Variants in PARD3 observed in about 807,000 individuals in gnomAD.
PARD3 encodes partitioning defective 3 homolog.
In PARD3, 75 loss-of-function variants were observed where a neutral mutation model predicts 155.4. The observed-to-expected ratio is 0.48, with a 90% CI of 0.40 to 0.58. The LOEUF (loss-of-function observed/expected upper bound fraction) is 0.58. Among genes scored for constraint, PARD3 ranks in the 20% least tolerant of loss-of-function variants. The pLI is 0.00. For missense variants in PARD3, 1,642 were observed against 1,721.7 expected (o/e 0.95, Z 0.82); for synonymous variants, 576 against 610.5 (o/e 0.94, Z 0.83).
At chr10:34,143,588 T>A (rs1385887714) in intron 22 of PARD3, among the ~76,000 whole-genome samples, 1 of 152,214 alleles carries the variant, frequency 6.6e-6, no homozygotes, top group Non-Finnish European at 1.5e-5. Flanking sequence ...AACTAAGCTA[T>A]GTTTTTTTAA....
chr10:34,357,672 A>T (rs1839028930), intron 14 of PARD3, among the ~76,000 whole-genome samples: 1 of 152,202 alleles, frequency 6.6e-6, no homozygotes, highest in Non-Finnish European at 1.5e-5. Flanking sequence ...ATTAGCTTTT[A>T]TATTTATCTT....
intron 2 of PARD3, among the ~76,000 whole-genome samples, chr10:34,688,943 A>T (rs1294748504): frequency 1.3e-5 from 2 of 152,214 alleles, no homozygotes; most frequent in Admixed American, 6.5e-5. Flanking sequence ...ACAGAGGCAG[A>T]GCCATTAAAG....
At chr10:34,725,805 G>A (rs1421895694) in intron 1 of PARD3, among the ~76,000 whole-genome samples, 1 of 152,168 alleles carries the variant, frequency 6.6e-6, no homozygotes, top group Non-Finnish European at 1.5e-5. Flanking sequence ...GACTGCAACT[G>A]AACAACAAAA....
At chr10:34,751,269 G>C (rs981058256) in intron 1 of PARD3, among the ~76,000 whole-genome samples, 2 of 152,140 alleles carry the variant, frequency 1.3e-5, no homozygotes, top group African/African-American at 4.8e-5. Flanking sequence ...AAATGGAATT[G>C]GTTGCTGTGC....
chr10:34,181,246 T>C (rs1713797690), intron 22 of PARD3, among the ~76,000 whole-genome samples: 1 of 152,190 alleles, frequency 6.6e-6, no homozygotes, highest in African/African-American at 2.4e-5. Context: ...CAAACTAAAG[T>C]GCAAAGACCA....
intron 1 of PARD3, among the ~76,000 whole-genome samples, chr10:34,748,552 G>A (rs1590934768): frequency 2.0e-5 from 3 of 151,562 alleles, no homozygotes; most frequent in Non-Finnish European, 1.5e-5. Flanking sequence ...CCCACCCCTC[G>A]CTCCTCTGTA....
chr10:34,664,972 T>C (rs150741122), intron 2 of PARD3, among the ~76,000 whole-genome samples: 1 of 151,116 alleles, frequency 6.6e-6, no homozygotes, highest in African/African-American at 2.4e-5. Flanking sequence ...CTGGTGTGCA[T>C]GTGTGTGGTG....
chr10:34,606,182 G>C (rs2090412817), intron 2 of PARD3, among the ~76,000 whole-genome samples: 1 of 74,098 alleles, frequency 1.3e-5, no homozygotes, highest in Non-Finnish European at 2.9e-5. Context: ...GTGTGTGTGT[G>C]TGTGTGTGTG....
intron 2 of PARD3, among the ~76,000 whole-genome samples, chr10:34,552,899 G>GT (rs1323284685): frequency 6.6e-6 from 1 of 152,096 alleles, no homozygotes; most frequent in East Asian, 1.9e-4. Context: ...ATTTAAAACT[G>GT]TAATTACTTT....
intron 23 of PARD3, among the ~76,000 whole-genome samples, chr10:34,128,643 C>G (rs908314056): frequency 3.3e-5 from 5 of 152,138 alleles, no homozygotes; most frequent in African/African-American, 1.2e-4. Context: ...AACGGTAGTA[C>G]TGCTTCTCCC....
chr10:34,624,429 T>C (rs1209589918), intron 2 of PARD3, among the ~76,000 whole-genome samples: 1 of 152,210 alleles, frequency 6.6e-6, no homozygotes, highest in South Asian at 2.1e-4. Flanking sequence ...AATCGATTTC[T>C]GCTCAAAGCC....
At chr10:34,546,268 A>C (rs923481701) in intron 2 of PARD3, among the ~76,000 whole-genome samples, 1 of 152,132 alleles carries the variant, frequency 6.6e-6, no homozygotes, top group Non-Finnish European at 1.5e-5. Flanking sequence ...CTGTAATCCC[A>C]GCACTTTGGG....
At chr10:34,720,689 TG>T (rs1473183425) in intron 1 of PARD3, among the ~76,000 whole-genome samples, 1 of 151,700 alleles carries the variant, frequency 6.6e-6, no homozygotes, top group Non-Finnish European at 1.5e-5. Context: ...CCCAGCTACT[TG>T]GGAGGCTGAG....
intron 20 of PARD3, among the ~76,000 whole-genome samples, chr10:34,294,083 T>TAGG (rs10694343): frequency 0.65 from 98,001 of 151,706 alleles, 32,309 homozygotes; most frequent in African/African-American, 0.78. Flanking sequence ...CACCTTTCTC[T>TAGG]AGGACAAACA....
At chr10:34,244,232 T>C (rs1029840703) in intron 22 of PARD3, among the ~76,000 whole-genome samples, 1 of 152,200 alleles carries the variant, frequency 6.6e-6, no homozygotes, top group African/African-American at 2.4e-5. Flanking sequence ...CGCTTAGAAT[T>C]TGAAACTAAT....
chr10:34,483,649 A>G (rs2079247014), intron 3 of PARD3, among the ~76,000 whole-genome samples: 1 of 152,184 alleles, frequency 6.6e-6, no homozygotes, highest in Non-Finnish European at 1.5e-5. Flanking sequence ...AAGACCCACA[A>G]GGGGATAGAA....
intron 22 of PARD3, among the ~76,000 whole-genome samples, chr10:34,178,602 A>G (rs1393847161): frequency 6.6e-6 from 1 of 152,198 alleles, no homozygotes; most frequent in East Asian, 1.9e-4. Context: ...AAAATCTGCA[A>G]TCACAACGGA....
intron 2 of PARD3, among the ~76,000 whole-genome samples, chr10:34,607,565 G>A (rs2090565558): frequency 6.6e-6 from 1 of 152,168 alleles, no homozygotes; most frequent in East Asian, 1.9e-4. Flanking sequence ...CCAAATGACA[G>A]CTACCCTAGG....
In PARD3 at chr10:34,733,930, G is replaced by A. The variant is rs1481835839; in HGVS notation, c.121-37511C>T. Among the ~76,000 whole-genome samples the A allele has an allele frequency of 3.4e-5, 5 of 146,690 alleles. No individual in the cohort carries two copies. In the East Asian group the frequency reaches 5.8e-4, roughly 17 times the overall value. On this transcript the variant is annotated intron_variant, in intron 1 of 24. Coordinates refer to ENST00000374788, the MANE Select transcript of PARD3 (RefSeq NM_001184785.2). ...AGAAGAGAGTAAATTATGCTTCTGC[G>A]AAAGTAAAATCAAAGCTGTTTTTTT...
Sources: gnomAD v4.1 joint callset for allele counts (sites outside exome capture counted in the v4.1 genomes callset) on GRCh38, gnomAD v4.1.1 for gene constraint, MANE v1.5 for transcripts, NCBI Gene and HGNC (gene_info 2026-07-23, HGNC 2026-07-21) for gene names.